The following NDC1 variants were observed in gnomAD, a reference collection of about 807,000 sequenced individuals.
The protein encoded by NDC1 is nucleoporin NDC1.
Under a neutral mutation model 89.8 loss-of-function variants are expected in NDC1, and 24 were observed. That is an observed-to-expected ratio of 0.27 (90% confidence interval 0.19 to 0.38). The LOEUF (loss-of-function observed/expected upper bound fraction) is 0.38. Among genes scored for constraint, NDC1 ranks in the 10% least tolerant of loss-of-function variants. NDC1 has a pLI of 1.00. For missense variants in NDC1, 728 were observed against 797.6 expected, an observed-to-expected ratio of 0.91 and a Z score of 1.05; for synonymous variants, 296 against 284.8, an observed-to-expected ratio of 1.04 and a Z score of -0.39.
Position 53,767,936 on chromosome 1 carries a change from C to T in NDC1, c.*34G>A. 1 of 1,326,328 alleles carries T rather than the reference C, an allele frequency of 7.5e-7. No homozygotes were observed. The highest frequency in any genetic ancestry group is 1.1e-6 in the Non-Finnish European group (1 of 938,762). The allele number at this position is 1,326,328 out of a possible 1,614,324, so 82.2% of individuals were successfully genotyped here. On this transcript the variant is annotated 3_prime_UTR_variant, in exon 18 of 18. Transcript: ENST00000371429. ...TTTACTGTCCCATCTGTAGTTGTAT[C>T]AGCAGTGTAATGAACACAGTTTATA...
chr1:53,772,525 TAAAG>T, intron 16 of NDC1, 36 bp from the exon 17 acceptor site: 1 of 1,599,626 alleles, frequency 6.3e-7, no homozygotes, highest in Non-Finnish European at 8.5e-7. Flanking sequence ...GTTTAGATTA[TAAAG>T]AAAGCCAACC....
At chr1:53,810,904 A>G (rs935538527) in intron 6 of NDC1, among the ~76,000 whole-genome samples, 3 of 152,224 alleles carry the variant, frequency 2.0e-5, no homozygotes, top group African/African-American at 4.8e-5. Flanking sequence ...CTCTGAAGGA[A>G]GCAGACTGCT....
intron 6 of NDC1, among the ~76,000 whole-genome samples, chr1:53,813,252 T>A (rs1281382449): frequency 3.9e-5 from 6 of 152,172 alleles, no homozygotes; most frequent in African/African-American, 9.7e-5. Context: ...ACAAAAAGCA[T>A]GGTGAATTCG....
rs1429000953 is a variant in NDC1 at position 53,772,423 on chromosome 1, C to A, written c.1867G>T (p.Val623Leu). Residue 623 changes from valine (V) to leucine (L), a missense_variant, in exon 17 of 18, where the codon GTG (valine) becomes TTG (leucine). By Grantham distance (32) the Val-to-Leu change is conservative. Coordinates refer to ENST00000371429, the MANE Select transcript of NDC1 (RefSeq NM_018087.5). Reference protein sequence around the residue: ...SKPPRISGSLVDTSYKTLRFA... With the variant: ...SKPPRISGSLLDTSYKTLRFA... The stretch of plus-strand genomic sequence containing the variant: ...CTTAATGTTTTATATGAAGTGTCCA[C>A]AAGGCTTCCTGAAATCCGGGGTGGT... 1 of 1,613,832 alleles carries A rather than the reference C, an allele frequency of 6.2e-7. No homozygotes were observed. The highest frequency in any genetic ancestry group is 1.7e-5 in the Admixed American group (1 of 60,006).
chr1:53,797,445 T>C (rs936234387), intron 11 of NDC1, among the ~76,000 whole-genome samples: 15 of 152,210 alleles, frequency 9.9e-5, no homozygotes, highest in Non-Finnish European at 2.1e-4. Flanking sequence ...AATGAACTCA[T>C]CAATTCACAT....
intron 4 of NDC1, 147 bp from the exon 5 acceptor site, chr1:53,826,083 G>C: frequency 1.4e-6 from 1 of 732,080 alleles, no homozygotes; most frequent in Non-Finnish European, 2.2e-6. Flanking sequence ...TTTTCAGTAA[G>C]TGTGAACAAG....
chr1:53,801,520 C>T (rs572528149), intron 10 of NDC1, among the ~76,000 whole-genome samples: 1 of 152,306 alleles, frequency 6.6e-6, no homozygotes, highest in East Asian at 1.9e-4. Flanking sequence ...AAAAATCAAG[C>T]ATGCTCCATT....
At chr1:53,812,498 A>G (rs2100671516) in intron 6 of NDC1, among the ~76,000 whole-genome samples, 1 of 152,352 alleles carries the variant, frequency 6.6e-6, no homozygotes, top group Non-Finnish European at 1.5e-5. Flanking sequence ...GAATTTAACA[A>G]GTAGAAGAAA....
At chr1:53,787,130 A>T in intron 16 of NDC1, 28 bp downstream of exon 16, 1 of 1,245,838 alleles carries the variant, frequency 8.0e-7, no homozygotes, top group Non-Finnish European at 1.2e-6. Flanking sequence ...GATGACCTCT[A>T]CCCCCTCCCA....
chr1:53,809,763 C>A lies in NDC1; in HGVS notation c.704-17G>T. ...GAATATAGCCTGAAGGGAAAAAATA[C>A]CAAGCTATGAACATAAAAAGTTATA... On this transcript the variant is annotated splice_polypyrimidine_tract_variant and intron_variant, in intron 6 of 17. Coordinates refer to ENST00000371429, the MANE Select transcript of NDC1 (RefSeq NM_018087.5). 6.2e-7 allele frequency: 1 copy of A among 1,606,460 alleles called. No homozygotes were observed. The highest frequency in any genetic ancestry group is 8.5e-7 in the Non-Finnish European group (1 of 1,173,644).
rs776836686 is a variant in NDC1 at position 53,807,668 on chromosome 1, G to T, written c.879C>A (p.Ile293=). Residue 293 remains isoleucine (I), a synonymous_variant, in exon 8 of 18, where the codon ATC becomes ATA. Coordinates refer to ENST00000371429, the MANE Select transcript of NDC1 (RefSeq NM_018087.5). ...TTAAAAAACATACCTCTGTGGCATA[G>T]ATTTTGAAGAGTATCCATGAGACAT... The part of the protein sequence containing the change: ...TWYVSWILFK[I]YATEAHVFPV... 17 of 1,606,216 alleles carry T rather than the reference G, an allele frequency of 1.1e-5. No homozygotes were observed. The highest frequency in any genetic ancestry group is 1.4e-5 in the Non-Finnish European group (16 of 1,177,888).
At chr1:53,814,104 A>G (rs953587369) in intron 6 of NDC1, among the ~76,000 whole-genome samples, 2 of 152,246 alleles carry the variant, frequency 1.3e-5, no homozygotes, top group African/African-American at 4.8e-5. Flanking sequence ...CTGTAATCCC[A>G]GCACTTTGGG....
chr1:53,835,651 G>T, intron 1 of NDC1, 31 bp from the exon 2 acceptor site: 1 of 1,585,664 alleles, frequency 6.3e-7, no homozygotes, highest in Admixed American at 1.9e-5. Flanking sequence ...CCTCACTCAT[G>T]AAGTCAGTTA....
At chr1:53,826,555 G>A (rs1198072424) in intron 4 of NDC1, among the ~76,000 whole-genome samples, 1 of 152,154 alleles carries the variant, frequency 6.6e-6, no homozygotes, top group Non-Finnish European at 1.5e-5. Context: ...CCAAATCTAA[G>A]AGGATCCCCC....
At chr1:53,773,095 C>CAA (rs1210784686) in intron 16 of NDC1, among the ~76,000 whole-genome samples, 88 of 64,446 alleles carry the variant, frequency 1.4e-3, no homozygotes, top group African/African-American at 4.5e-3. Flanking sequence ...AAGACCTCAG[C>CAA]AAAAAAAAAA....
At chr1:53,834,224 A>G (rs1390300587) in intron 2 of NDC1, among the ~76,000 whole-genome samples, 3 of 152,294 alleles carry the variant, frequency 2.0e-5, no homozygotes, top group Non-Finnish European at 4.4e-5. Flanking sequence ...TGAAATGGCA[A>G]AAAGTTTTTG....
intron 9 of NDC1, 107 bp downstream of exon 9, chr1:53,806,318 A>ATAT (rs1648107093): frequency 3.1e-6 from 2 of 655,452 alleles, no homozygotes; most frequent in South Asian, 5.5e-5. Context: ...CAGTACAAGA[A>ATAT]TATTATAGGC....
chr1:53,823,902 T>C (rs1469809695), intron 5 of NDC1, among the ~76,000 whole-genome samples: 1 of 152,232 alleles, frequency 6.6e-6, no homozygotes, highest in Non-Finnish European at 1.5e-5. Context: ...CTTGTTCTCA[T>C]GGATGCAACA....
chr1:53,779,160 GAAT>G (rs947433730), intron 16 of NDC1, among the ~76,000 whole-genome samples: 9 of 149,552 alleles, frequency 6.0e-5, no homozygotes, highest in Non-Finnish European at 1.0e-4. Context: ...TGTAACATAG[GAAT>G]AATGACAACA....
Sources: gnomAD v4.1 joint callset for allele counts (sites outside exome capture counted in the v4.1 genomes callset) on GRCh38, gnomAD v4.1.1 for gene constraint, MANE v1.5 for transcripts, NCBI Gene and HGNC (gene_info 2026-07-23, HGNC 2026-07-21) for gene names.